The following PDE1C variants were observed in gnomAD, a reference collection of about 807,000 sequenced individuals.
PDE1C encodes dual specificity calcium/calmodulin-dependent 3',5'-cyclic nucleotide phosphodiesterase 1C.
PDE1C carries 62 observed loss-of-function variants against 93.1 expected under a neutral mutation model. The observed-to-expected ratio is 0.67, with a 90% CI of 0.54 to 0.82. The LOEUF is 0.82. Ranked by LOEUF, PDE1C falls within the 40% of genes least tolerant of loss-of-function variation. PDE1C has a pLI of 0.00. For synonymous variants in PDE1C, 325 were observed against 310.1 expected, an observed-to-expected ratio of 1.05 and a Z score of -0.50; for missense variants, 742 against 884.6, an observed-to-expected ratio of 0.84 and a Z score of 2.04.
At chr7:32,179,955 T>C (rs763431379) in intron 2 of PDE1C, among the ~76,000 whole-genome samples, 13 of 152,176 alleles carry the variant, frequency 8.5e-5, no homozygotes, top group Non-Finnish European at 1.2e-4. Context: ...TCAAAATATC[T>C]GTGACATAGG....
chr7:31,705,598 C>T, the PDE1C span, among the ~76,000 whole-genome samples: 1 of 152,114 alleles, frequency 6.6e-6, no homozygotes, highest in Non-Finnish European at 1.5e-5. Flanking sequence ...GGAACTGAAA[C>T]AAATGAATAG....
At chr7:32,112,520 A>G (rs1406045875) in intron 3 of PDE1C, among the ~76,000 whole-genome samples, 5 of 151,996 alleles carry the variant, frequency 3.3e-5, no homozygotes, top group Non-Finnish European at 5.9e-5. Flanking sequence ...GCTGGAATGC[A>G]GTAACAGAAT....
intron 2 of PDE1C, among the ~76,000 whole-genome samples, chr7:31,983,839 G>C (rs1391300494): frequency 6.6e-6 from 1 of 152,064 alleles, no homozygotes; most frequent in South Asian, 2.1e-4. Flanking sequence ...ATTTCAAGAC[G>C]GCAACATGAG....
At chr7:31,741,685 C>T in the PDE1C span, among the ~76,000 whole-genome samples, 20 of 152,254 alleles carry the variant, frequency 1.3e-4, no homozygotes, top group Admixed American at 7.9e-4. Context: ...GTTTTGTCTT[C>T]CTTTTAGGCA....
At chr7:32,036,617 C>T (rs950015930) in intron 2 of PDE1C, among the ~76,000 whole-genome samples, 2 of 151,750 alleles carry the variant, frequency 1.3e-5, no homozygotes, top group Non-Finnish European at 2.9e-5. Flanking sequence ...ACTAATGTCC[C>T]GAATGAAAAA....
chr7:32,011,554 G>A (rs1787116310), intron 2 of PDE1C, among the ~76,000 whole-genome samples: 1 of 152,116 alleles, frequency 6.6e-6, no homozygotes, highest in South Asian at 2.1e-4. Flanking sequence ...AAGATAAAAA[G>A]GTAATAAGTA....
At chr7:32,385,325 T>C (rs1192536733) in intron 1 of PDE1C, among the ~76,000 whole-genome samples, 4 of 152,206 alleles carry the variant, frequency 2.6e-5, no homozygotes, top group Non-Finnish European at 4.4e-5. Context: ...CTGGGAGCCT[T>C]AGGCAGGAAG....
intron 1 of PDE1C, among the ~76,000 whole-genome samples, chr7:32,409,779 T>C (rs1451389520): frequency 6.6e-6 from 1 of 151,866 alleles, no homozygotes; most frequent in Admixed American, 6.6e-5. Context: ...ACATATATCT[T>C]CTTAACATAA....
At chr7:32,242,496 G>C (rs1554293906) in intron 1 of PDE1C, among the ~76,000 whole-genome samples, 1 of 152,238 alleles carries the variant, frequency 6.6e-6, no homozygotes, top group Non-Finnish European at 1.5e-5. Context: ...GTCGGTTAAT[G>C]AAAAGAGAAG....
chr7:32,248,712 T>C (rs1187982077), intron 1 of PDE1C, among the ~76,000 whole-genome samples: 1 of 152,242 alleles, frequency 6.6e-6, no homozygotes, highest in African/African-American at 2.4e-5. Context: ...CAGGACCCTC[T>C]GTTGCAACAA....
rs182362355 is a variant in PDE1C at position 32,049,693 on chromosome 7, T to C, written c.128+1861A>G. ...TGGCAAATTTTAATTGCATTAATGA[T>C]TTTTTTAATCTGCATGTAATCTGTT... is the stretch of plus-strand genomic sequence containing the variant. On this transcript the variant is annotated intron_variant, in intron 2 of 17. Transcript: ENST00000396191. 1.1e-4 allele frequency among the ~76,000 whole-genome samples: 17 copies of C among 152,212 alleles called. No homozygotes were observed. In the East Asian group the frequency reaches 3.3e-3, roughly 29 times the overall value.
intron 1 of PDE1C, among the ~76,000 whole-genome samples, chr7:32,423,805 A>G (rs1785479995): frequency 6.6e-6 from 1 of 152,216 alleles, no homozygotes; most frequent in Non-Finnish European, 1.5e-5. Flanking sequence ...CACTTGACAC[A>G]TCTTTTCAAA....
rs1482383930 is a variant in PDE1C at position 32,420,118 on chromosome 7, TATATATACAC to T, written c.310+7694_310+7703del. On this transcript the variant is annotated intron_variant, in intron 1 of 1. Transcript: ENST00000672256. ...ATATATATATATATATATATATATATATATATACACACACACACACACACACACACACACA... is the reference window on the plus strand; with the variant it reads ...ATATATATATATATATATATATATATACACACACACACACACACACACACA... Among the ~76,000 whole-genome samples, 2 of 24,184 alleles carry T rather than the reference TATATATACAC, an allele frequency of 8.3e-5. 1 individual carries two copies. Among genetic ancestry groups the T allele is most frequent in the Non-Finnish European group, 1.8e-4 (2 of 11,376 alleles). The allele number at this position is 24,184 out of a possible 152,430, so 15.9% of individuals were successfully genotyped here.
At chr7:31,647,491 G>A in the PDE1C span, among the ~76,000 whole-genome samples, 3 of 130,452 alleles carry the variant, frequency 2.3e-5, no homozygotes, top group East Asian at 2.3e-4. Flanking sequence ...GCAAAACCCC[G>A]TCTCCATTAA....
intron 1 of PDE1C, among the ~76,000 whole-genome samples, chr7:32,295,329 G>C (rs913030542): frequency 6.6e-6 from 1 of 152,158 alleles, no homozygotes; most frequent in Non-Finnish European, 1.5e-5. Context: ...GACAAACCCG[G>C]GCTGACGGGT....
chr7:31,961,738 A>G (rs775620233), intron 2 of PDE1C, among the ~76,000 whole-genome samples: 18 of 152,186 alleles, frequency 1.2e-4, no homozygotes, highest in Non-Finnish European at 2.2e-4. Flanking sequence ...CATACTATAC[A>G]TTGTGTTACA....
Position 32,227,088 on chromosome 7 carries a change from G to A in PDE1C, c.86-17549C>T, listed in dbSNP as rs77502209. Among the ~76,000 whole-genome samples, 87 of 152,240 alleles carry A rather than the reference G, an allele frequency of 5.7e-4. 2 individuals carry two copies. In the East Asian group the frequency reaches 0.014, roughly 25 times the overall value. On this transcript the variant is annotated intron_variant, in intron 1 of 18. Coordinates refer to the PDE1C transcript ENST00000396193. ...TCTGCCCGCAGCCAACCTTGCAGTC[G>A]CACTGCTCACATGTGCTGAGTCCCT... is the stretch of plus-strand genomic sequence containing the variant.
chr7:32,096,173 C>T (rs1797737050), intron 3 of PDE1C, among the ~76,000 whole-genome samples: 1 of 152,166 alleles, frequency 6.6e-6, no homozygotes, highest in Non-Finnish European at 1.5e-5. Flanking sequence ...CTACTCAGCC[C>T]TGCCTTTTAT....
chr7:31,988,115 T>C (rs1783655733), intron 2 of PDE1C, among the ~76,000 whole-genome samples: 1 of 152,162 alleles, frequency 6.6e-6, no homozygotes. Context: ...TCATAAGCAA[T>C]ATCTTGCCTC....
Sources: allele counts gnomAD v4.1 joint callset (sites outside exome capture counted in the v4.1 genomes callset), GRCh38; gene constraint gnomAD v4.1.1; transcripts MANE v1.5; gene names NCBI Gene and HGNC (gene_info 2026-07-23, HGNC 2026-07-21).